The following MAP4K5 variants were observed in gnomAD, a reference collection of about 807,000 sequenced individuals.
MAP4K5 encodes the protein mitogen-activated protein kinase kinase kinase kinase 5, also known as MAPK/ERK kinase kinase kinase 5.
In MAP4K5, 82 loss-of-function variants were observed where a neutral mutation model predicts 135.6. That is an observed-to-expected ratio of 0.60 (90% confidence interval 0.51 to 0.73). The LOEUF is 0.73. MAP4K5 is among the 30% of genes least tolerant of loss of function. The pLI is 0.00. For synonymous variants in MAP4K5, 347 were observed against 335.0 expected, an observed-to-expected ratio of 1.04 and a Z score of -0.39; for missense variants, 907 against 1,010.9, an observed-to-expected ratio of 0.90 and a Z score of 1.39.
intron 2 of MAP4K5, among the ~76,000 whole-genome samples, chr14:50,513,719 A>T (rs1170659013): frequency 3.3e-5 from 5 of 152,218 alleles, no homozygotes; most frequent in African/African-American, 1.2e-4. Flanking sequence ...CCTACCCCAG[A>T]CAACTTTCTC....
intron 15 of MAP4K5, 129 bp downstream of exon 15, chr14:50,448,645 C>T (rs994202718): frequency 5.6e-5 from 31 of 555,994 alleles, no homozygotes; most frequent in Middle Eastern, 4.6e-4. Flanking sequence ...AACTTTAATA[C>T]GGGAAAAATT....
intron 3 of MAP4K5, among the ~76,000 whole-genome samples, chr14:50,492,892 C>T (rs1175568721): frequency 1.3e-5 from 2 of 151,740 alleles, no homozygotes; most frequent in African/African-American, 2.4e-5. Context: ...ATGTAAGCCA[C>T]GTACGGTGGC....
intron 6 of MAP4K5, among the ~76,000 whole-genome samples, chr14:50,480,395 C>T (rs960946214): frequency 8.5e-5 from 9 of 106,048 alleles, no homozygotes; most frequent in Admixed American, 2.6e-4. Flanking sequence ...AGAACTTACT[C>T]ATTCTTTCTT....
Position 50,434,440 on chromosome 14 carries a change from T to A in MAP4K5, c.2118A>T (p.Thr706=). Residue 706 remains threonine (T), a synonymous_variant, in exon 28 of 33, where the codon ACA becomes ACT. Coordinates refer to ENST00000682126, the MANE Select transcript of MAP4K5 (RefSeq NM_006575.6). The part of the protein sequence containing the change: ...TESNQVVQFE[T]INLNSASSWF... ...ATGAAGATGCAGAGTTCAAATTGAT[T>A]GTCTCAAACTGAACTACCTGATTCG... 1 of 1,610,016 alleles carries A rather than the reference T, an allele frequency of 6.2e-7. No homozygotes were observed. The highest frequency in any genetic ancestry group is 8.5e-7 in the Non-Finnish European group (1 of 1,178,088).
intron 26 of MAP4K5, among the ~76,000 whole-genome samples, 173 bp from the exon 27 acceptor site, chr14:50,435,238 A>G (rs1282047509): frequency 1.3e-5 from 2 of 152,214 alleles, no homozygotes; most frequent in Non-Finnish European, 2.9e-5. Flanking sequence ...TTTAAATTAT[A>G]TATGTTTACT....
At chr14:50,489,049 C>A (rs2037427609) in intron 3 of MAP4K5, among the ~76,000 whole-genome samples, 1 of 152,282 alleles carries the variant, frequency 6.6e-6, no homozygotes, top group South Asian at 2.1e-4. Context: ...TGATTTTATT[C>A]TTTTAACTGG....
chr14:50,515,060 CG>C lies in MAP4K5; in HGVS notation c.109-10204del, dbSNP rs1399563308. ...CTGGGACTACAGGCACTCGCCGCCA[CG>C]CTAGGCTAATTTTTGTATTTTTAGT... On this transcript the variant is annotated intron_variant, in intron 2 of 32. Transcript: ENST00000682126. 2.6e-5 allele frequency among the ~76,000 whole-genome samples: 4 copies of C among 152,164 alleles called. No individual in the cohort carries two copies. In the East Asian group the frequency reaches 7.7e-4, roughly 29 times the overall value.
intron 1 of MAP4K5, among the ~76,000 whole-genome samples, chr14:50,547,781 A>G (rs534629996): frequency 3.7e-4 from 57 of 152,334 alleles, no homozygotes; most frequent in African/African-American, 1.2e-3. Context: ...TGTCCGTGCT[A>G]TGATTGACTT....
chr14:50,448,910 T>C (rs752327899), intron 14 of MAP4K5, 78 bp from the exon 15 acceptor site: 1 of 727,450 alleles, frequency 1.4e-6, no homozygotes, highest in Non-Finnish European at 2.4e-6. Flanking sequence ...CAAGTTTGTA[T>C]ATGGGGTGGG....
At chr14:50,427,606 C>T (rs1205721923) in intron 30 of MAP4K5, among the ~76,000 whole-genome samples, 1 of 152,072 alleles carries the variant, frequency 6.6e-6, no homozygotes, top group Non-Finnish European at 1.5e-5. Context: ...AAATTACCAA[C>T]TTCATTTTAG....
intron 26 of MAP4K5, among the ~76,000 whole-genome samples, chr14:50,436,306 A>G (rs974100201): frequency 2.6e-5 from 4 of 152,290 alleles, no homozygotes; most frequent in Middle Eastern, 3.4e-3. Context: ...CTGGGAGGTA[A>G]TTGCTAAGCC....
At chr14:50,430,966 T>C (rs907494889) in intron 28 of MAP4K5, among the ~76,000 whole-genome samples, 5 of 152,198 alleles carry the variant, frequency 3.3e-5, no homozygotes, top group Non-Finnish European at 5.9e-5. Flanking sequence ...ACAGAATTCC[T>C]ACTTAGAAGC....
At chr14:50,471,069 C>A (rs1187049563) in intron 9 of MAP4K5, among the ~76,000 whole-genome samples, 2 of 151,966 alleles carry the variant, frequency 1.3e-5, no homozygotes, top group South Asian at 2.1e-4. Context: ...GTTTTTTACA[C>A]AGGTAAATGT....
chr14:50,491,207 C>T (rs944942633), intron 3 of MAP4K5, among the ~76,000 whole-genome samples: 1 of 152,014 alleles, frequency 6.6e-6, no homozygotes, highest in African/African-American at 2.4e-5. Context: ...TTCATCACAC[C>T]CCTCCTTCCA....
At chr14:50,487,290 G>A (rs188912631) in intron 3 of MAP4K5, among the ~76,000 whole-genome samples, 1 of 152,276 alleles carries the variant, frequency 6.6e-6, no homozygotes, top group Non-Finnish European at 1.5e-5. Context: ...CCTGGCGACA[G>A]AGCGAGACTC....
chr14:50,522,387 C>T (rs2038170690), intron 2 of MAP4K5, among the ~76,000 whole-genome samples: 1 of 152,078 alleles, frequency 6.6e-6, no homozygotes, highest in Non-Finnish European at 1.5e-5. Flanking sequence ...AGGTATGGTT[C>T]AGAGCTTCAC....
At chr14:50,515,347 C>T (rs1176989090) in intron 2 of MAP4K5, among the ~76,000 whole-genome samples, 1 of 152,132 alleles carries the variant, frequency 6.6e-6, no homozygotes, top group Admixed American at 6.5e-5. Flanking sequence ...ATTATACTTC[C>T]TTTCTAATCA....
intron 23 of MAP4K5, among the ~76,000 whole-genome samples, chr14:50,439,413 G>T (rs1446593444): frequency 6.6e-6 from 1 of 150,386 alleles, no homozygotes; most frequent in South Asian, 2.1e-4. Flanking sequence ...ATAAAATGAG[G>T]TTACCCTGGA....
At chr14:50,490,719 G>A (rs1429194952) in intron 3 of MAP4K5, among the ~76,000 whole-genome samples, 1 of 152,164 alleles carries the variant, frequency 6.6e-6, no homozygotes, top group Non-Finnish European at 1.5e-5. Context: ...AGTATCTGGG[G>A]TCACCTTGAG....
Sources: allele counts gnomAD v4.1 joint callset (sites outside exome capture counted in the v4.1 genomes callset), GRCh38; gene constraint gnomAD v4.1.1; transcripts MANE v1.5; gene names NCBI Gene and HGNC (gene_info 2026-07-23, HGNC 2026-07-21).